Variants in ZNF804B observed in about 807,000 individuals in gnomAD.
The protein encoded by ZNF804B is zinc finger 804B.
In ZNF804B, 80 loss-of-function variants were observed where a neutral mutation model predicts 101.4. That is an observed-to-expected ratio of 0.79 (90% confidence interval 0.66 to 0.95). ZNF804B has a LOEUF of 0.95. Ranked by LOEUF, ZNF804B falls within the 40% of genes least tolerant of loss-of-function variation. The pLI is 0.00. For missense variants in ZNF804B, 1,673 were observed against 1,561.9 expected, an observed-to-expected ratio of 1.07 and a Z score of -1.20; for synonymous variants, 622 against 558.8, an observed-to-expected ratio of 1.11 and a Z score of -1.59.
chr7:89,015,700 T>A (rs1293996993), intron 1 of ZNF804B, among the ~76,000 whole-genome samples: 3 of 152,126 alleles, frequency 2.0e-5, no homozygotes, highest in Admixed American at 2.0e-4. Context: ...TATTCCATGG[T>A]GTATATGTGT....
chr7:89,063,898 T>A (rs1379310097), intron 1 of ZNF804B, among the ~76,000 whole-genome samples: 4 of 152,110 alleles, frequency 2.6e-5, no homozygotes, highest in Non-Finnish European at 5.9e-5. Context: ...TCAGACAAAG[T>A]GCCCTCAGAA....
chr7:89,048,481 T>C (rs370304170), intron 1 of ZNF804B, among the ~76,000 whole-genome samples: 3 of 151,930 alleles, frequency 2.0e-5, no homozygotes, highest in Admixed American at 1.3e-4. Flanking sequence ...TGTAGCCCAG[T>C]TGGCCAAGAG....
chr7:89,068,998 G>A (rs898134013), intron 1 of ZNF804B, among the ~76,000 whole-genome samples: 1 of 152,138 alleles, frequency 6.6e-6, no homozygotes, highest in Admixed American at 6.6e-5. Flanking sequence ...TGGTGACTGG[G>A]AATCATTCAG....
intron 2 of ZNF804B, among the ~76,000 whole-genome samples, chr7:89,237,647 C>T (rs1789305770): frequency 6.6e-6 from 1 of 152,124 alleles, no homozygotes; most frequent in African/African-American, 2.4e-5. Flanking sequence ...CAATGGCTTC[C>T]AAGCCTGAGT....
intron 1 of ZNF804B, among the ~76,000 whole-genome samples, chr7:88,932,038 A>G (rs1039339574): frequency 1.4e-4 from 22 of 151,828 alleles, no homozygotes; most frequent in African/African-American, 4.8e-4. Context: ...AGAAAAGCAT[A>G]TAAATGCATC....
At chr7:88,769,836 G>A (rs1336954625) in intron 1 of ZNF804B, among the ~76,000 whole-genome samples, 1 of 152,140 alleles carries the variant, frequency 6.6e-6, no homozygotes, top group African/African-American at 2.4e-5. Context: ...GCAAGGTTTT[G>A]TTAGCAATTG....
chr7:88,936,101 CTTTT>C (rs111880138), intron 1 of ZNF804B, among the ~76,000 whole-genome samples: 3 of 143,582 alleles, frequency 2.1e-5, no homozygotes, highest in African/African-American at 7.8e-5. Flanking sequence ...ATCTTTCTTC[CTTTT>C]TTTTTTTAAA....
At chr7:89,151,114 G>T (rs558539039) in intron 1 of ZNF804B, among the ~76,000 whole-genome samples, 2 of 151,872 alleles carry the variant, frequency 1.3e-5, no homozygotes, top group African/African-American at 2.4e-5. Flanking sequence ...GAAATCAAAC[G>T]GTTAGATTAT....
intron 1 of ZNF804B, among the ~76,000 whole-genome samples, chr7:89,178,907 C>T (rs1788248778): frequency 6.6e-6 from 1 of 152,048 alleles, no homozygotes; most frequent in Admixed American, 6.6e-5. Context: ...TTTATCTCTC[C>T]TTCATGTTTG....
intron 2 of ZNF804B, among the ~76,000 whole-genome samples, chr7:89,296,017 G>A (rs1425715159): frequency 6.6e-6 from 1 of 152,004 alleles, no homozygotes; most frequent in Non-Finnish European, 1.5e-5. Context: ...GTGGAAGAGG[G>A]AACGGATAAA....
intron 1 of ZNF804B, among the ~76,000 whole-genome samples, chr7:88,812,686 G>A (rs1043976043): frequency 3.9e-5 from 6 of 152,030 alleles, no homozygotes; most frequent in Non-Finnish European, 5.9e-5. Context: ...GTGTATGTAC[G>A]TATATATACA....
chr7:89,302,460 G>A (rs925246968), intron 2 of ZNF804B, among the ~76,000 whole-genome samples: 3 of 151,780 alleles, frequency 2.0e-5, no homozygotes, highest in African/African-American at 7.3e-5. Context: ...CCTAGAGCTT[G>A]GAATGGCCAT....
At chr7:89,275,110 ATCTT>A (rs1279101982) in intron 2 of ZNF804B, among the ~76,000 whole-genome samples, 1 of 151,898 alleles carries the variant, frequency 6.6e-6, no homozygotes, top group Non-Finnish European at 1.5e-5. Context: ...CTTACTCTTG[ATCTT>A]TCTTCTCAAA....
intron 1 of ZNF804B, among the ~76,000 whole-genome samples, chr7:89,018,741 C>T (rs1394395403): frequency 1.3e-5 from 2 of 151,862 alleles, no homozygotes. Flanking sequence ...TTGTATATGT[C>T]CAGAAATTTA....
At chr7:88,815,994 A>G (rs1441966661) in intron 1 of ZNF804B, among the ~76,000 whole-genome samples, 1 of 152,046 alleles carries the variant, frequency 6.6e-6, no homozygotes, top group Non-Finnish European at 1.5e-5. Flanking sequence ...TTGCTGTTGA[A>G]TGCTCTTGCT....
At chr7:89,289,371 C>CA (rs762548433) in intron 2 of ZNF804B, among the ~76,000 whole-genome samples, 12 of 151,740 alleles carry the variant, frequency 7.9e-5, no homozygotes, top group Non-Finnish European at 1.5e-4. Context: ...ACAACAACAA[C>CA]AAAAAACCTT....
chr7:88,849,971 C>A (rs1360054942), intron 1 of ZNF804B, among the ~76,000 whole-genome samples: 1 of 151,902 alleles, frequency 6.6e-6, no homozygotes, highest in African/African-American at 2.4e-5. Context: ...AATGTACCAG[C>A]AAAATACCTG....
At chr7:89,100,501 G>A (rs1050251892) in intron 1 of ZNF804B, among the ~76,000 whole-genome samples, 14 of 151,976 alleles carry the variant, frequency 9.2e-5, no homozygotes, top group Non-Finnish European at 2.1e-4. Flanking sequence ...TGCAGCAAAG[G>A]AAACAATCAA....
chr7:88,829,206 T>G (rs1791094651), intron 1 of ZNF804B, among the ~76,000 whole-genome samples: 1 of 152,066 alleles, frequency 6.6e-6, no homozygotes, highest in African/African-American at 2.4e-5. Flanking sequence ...TCCTCCCACC[T>G]CAACCTCCCA....
Sources: allele counts gnomAD v4.1 joint callset (sites outside exome capture counted in the v4.1 genomes callset), GRCh38; gene constraint gnomAD v4.1.1; transcripts MANE v1.5; gene names NCBI Gene and HGNC (gene_info 2026-07-23, HGNC 2026-07-21).